The following EPHA6 variants were observed in gnomAD, a reference collection of about 807,000 sequenced individuals.
EPHA6 encodes EPH receptor A6, also known as ephrin type-A receptor 6.
A neutral mutation model predicts 112.0 loss-of-function variants in EPHA6; 50 were observed. That is an observed-to-expected ratio of 0.45 (90% confidence interval 0.36 to 0.56). The LOEUF is 0.56. EPHA6 is among the 20% of genes least tolerant of loss of function. The probability of loss-of-function intolerance (pLI) is 0.00; values close to 1 mark genes in which losing one functional copy is unlikely to be tolerated. For missense variants in EPHA6, 1,280 were observed against 1,417.4 expected, an observed-to-expected ratio of 0.90 and a Z score of 1.56; for synonymous variants, 529 against 490.7, an observed-to-expected ratio of 1.08 and a Z score of -1.03.
intron 2 of EPHA6, among the ~76,000 whole-genome samples, chr3:96,937,014 G>A (rs1459974318): frequency 2.0e-5 from 3 of 152,212 alleles, no homozygotes; most frequent in East Asian, 3.9e-4. Context: ...TATCCTTGTT[G>A]GATATTTGGC....
At chr3:97,292,023 C>T (rs562368571) in intron 5 of EPHA6, among the ~76,000 whole-genome samples, 4 of 152,374 alleles carry the variant, frequency 2.6e-5, no homozygotes, top group African/African-American at 9.6e-5. Flanking sequence ...GCACAGGGTC[C>T]AGCCGCTGCG....
chr3:97,745,235 T>C (rs2035660439), intron 16 of EPHA6: 1 of 291,304 alleles, frequency 3.4e-6, no homozygotes, highest in Admixed American at 4.9e-5. Context: ...AATTTTATTT[T>C]ACAATATTGA....
intron 14 of EPHA6, among the ~76,000 whole-genome samples, chr3:97,701,633 T>TAA (rs1022694232): frequency 1.3e-4 from 19 of 150,222 alleles, no homozygotes; most frequent in African/African-American, 3.0e-4. Context: ...TATATATATA[T>TAA]AATATCATTT....
At chr3:97,696,171 C>T (rs908090307) in intron 14 of EPHA6, among the ~76,000 whole-genome samples, 8 of 152,208 alleles carry the variant, frequency 5.3e-5, no homozygotes, top group East Asian at 3.9e-4. Flanking sequence ...TGTTCCATCA[C>T]GGTCTCATGA....
chr3:97,046,451 A>G (rs1305844806), intron 3 of EPHA6, among the ~76,000 whole-genome samples: 1 of 152,172 alleles, frequency 6.6e-6, no homozygotes, highest in African/African-American at 2.4e-5. Context: ...CAAAAAACAT[A>G]CTTCATTGTG....
rs990452225 is a variant in EPHA6 at position 97,761,271 on chromosome 3, T to C, written c.*12570T>C. 1 of 195,740 alleles carries C rather than the reference T, an allele frequency of 5.1e-6. No individual in the cohort carries two copies. The highest frequency in any genetic ancestry group is 2.3e-5 in the African/African-American group (1 of 43,252). 12.1% of individuals were successfully genotyped at this position (195,740 alleles called of 1,614,324 possible). A position where few individuals can be genotyped will look rare whatever the true frequency, so the allele number is the denominator to read the frequency against. Reference sequence around the variant, plus strand: ...GCATGCTTACAAGTTAATAGTGTTATAGAATGCTCAGCTCTCAATATGAGG... The same window carrying C: ...GCATGCTTACAAGTTAATAGTGTTACAGAATGCTCAGCTCTCAATATGAGG... On this transcript the variant is annotated 3_prime_UTR_variant, in exon 18 of 18. Coordinates refer to ENST00000389672, the MANE Select transcript of EPHA6 (RefSeq NM_001080448.3).
intron 6 of EPHA6, among the ~76,000 whole-genome samples, chr3:97,405,804 T>C (rs2087302182): frequency 6.6e-6 from 1 of 152,142 alleles, no homozygotes; most frequent in South Asian, 2.1e-4. Flanking sequence ...GCTAGCAAGA[T>C]AAATTCAGTT....
chr3:97,233,087 A>C (rs143319168), intron 4 of EPHA6, among the ~76,000 whole-genome samples: 19 of 152,068 alleles, frequency 1.2e-4, no homozygotes, highest in East Asian at 1.9e-4. Context: ...CTATTGGGAG[A>C]CCACTGTTCC....
rs2044565292 is a variant in EPHA6 at position 97,024,429 on chromosome 3, A to G, written c.1114+36436A>G. ...AAGTAAATTTTTAGCTTTAGAATTA[A>G]TGCACATACCCTGACATTTTATATC... On this transcript the variant is annotated intron_variant, in intron 3 of 17. Transcript: ENST00000389672. Among the ~76,000 whole-genome samples, 3 of 152,298 alleles carry G rather than the reference A, an allele frequency of 2.0e-5. No homozygotes were observed. In the South Asian group the frequency reaches 6.2e-4, roughly 32 times the overall value.
intron 7 of EPHA6, among the ~76,000 whole-genome samples, chr3:97,472,113 T>C (rs886159107): frequency 2.0e-5 from 3 of 151,712 alleles, no homozygotes; most frequent in African/African-American, 7.3e-5. Context: ...TCCAGGATAA[T>C]CAAGTTTCTT....
intron 3 of EPHA6, among the ~76,000 whole-genome samples, chr3:97,170,815 T>C (rs1385317663): frequency 6.6e-6 from 1 of 152,106 alleles, no homozygotes; most frequent in Non-Finnish European, 1.5e-5. Context: ...TCCAAGGAGT[T>C]ATACATATGC....
chr3:97,482,670 T>C (rs2091586385), intron 9 of EPHA6, among the ~76,000 whole-genome samples: 1 of 152,182 alleles, frequency 6.6e-6, no homozygotes. Context: ...CCTCTAAACT[T>C]TATTACCTTT....
At chr3:97,262,772 G>A (rs2079545407) in intron 5 of EPHA6, among the ~76,000 whole-genome samples, 2 of 151,298 alleles carry the variant, frequency 1.3e-5, no homozygotes, top group Admixed American at 1.3e-4. Context: ...TTTATTTTCT[G>A]TCTCCCATCA....
chr3:96,988,750 T>C (rs1161944287), intron 3 of EPHA6, among the ~76,000 whole-genome samples: 1 of 152,122 alleles, frequency 6.6e-6, no homozygotes, highest in African/African-American at 2.4e-5. Flanking sequence ...ATAGTAGTAT[T>C]TATGTGACAT....
chr3:97,110,108 G>A (rs2047678616), intron 3 of EPHA6, among the ~76,000 whole-genome samples: 1 of 152,044 alleles, frequency 6.6e-6, no homozygotes, highest in Admixed American at 6.6e-5. Context: ...TCAGCTATAT[G>A]GTTTAGATAC....
intron 3 of EPHA6, among the ~76,000 whole-genome samples, chr3:97,013,114 G>A (rs917119034): frequency 2.6e-5 from 4 of 151,970 alleles, no homozygotes; most frequent in African/African-American, 7.2e-5. Context: ...GGCCTCACTT[G>A]TCAATTTTTG....
Position 97,096,013 on chromosome 3 carries a change from C to A in EPHA6, c.1114+108020C>A, listed in dbSNP as rs573972367. On this transcript the variant is annotated intron_variant, in intron 3 of 17. Coordinates refer to ENST00000389672, the MANE Select transcript of EPHA6 (RefSeq NM_001080448.3). ...GATTCTAGAACCAAAAGTTTAAGAACCCTGTCCTAGGGATGGTGGATAAGA... is the reference window on the plus strand; with the variant it reads ...GATTCTAGAACCAAAAGTTTAAGAAACCTGTCCTAGGGATGGTGGATAAGA... Among the ~76,000 whole-genome samples the A allele has an allele frequency of 6.6e-5, 10 of 151,970 alleles. No individual in the cohort carries two copies. In the South Asian group the frequency reaches 2.1e-3, roughly 32 times the overall value.
intron 3 of EPHA6, among the ~76,000 whole-genome samples, chr3:97,061,962 T>TA (rs1229112050): frequency 6.6e-6 from 1 of 152,172 alleles, no homozygotes; most frequent in Non-Finnish European, 1.5e-5. Context: ...ATTTATAGTA[T>TA]GAGTGTGAGA....
intron 14 of EPHA6, among the ~76,000 whole-genome samples, chr3:97,659,858 A>G (rs1049460748): frequency 6.6e-6 from 1 of 152,128 alleles, no homozygotes; most frequent in African/African-American, 2.4e-5. Context: ...AGAGTTTAGA[A>G]CACATTTGTT....
Sources: gnomAD v4.1 joint callset for allele counts (sites outside exome capture counted in the v4.1 genomes callset) on GRCh38, gnomAD v4.1.1 for gene constraint, MANE v1.5 for transcripts, NCBI Gene and HGNC (gene_info 2026-07-23, HGNC 2026-07-21) for gene names.